MACO1: variants seen among roughly 807,000 people sequenced by gnomAD.
MACO1 encodes macoilin.
Under a neutral mutation model 78.7 loss-of-function variants are expected in MACO1, and 14 were observed. The ratio of observed to expected loss-of-function variants is 0.18; its 90% CI spans 0.12 to 0.28. The LOEUF (loss-of-function observed/expected upper bound fraction) is 0.28, where lower values mean the gene tolerates loss of function less well. MACO1 is among the 10% of genes least tolerant of loss of function. MACO1 has a pLI of 1.00. For missense variants in MACO1, 501 were observed against 799.0 expected, an observed-to-expected ratio of 0.63 and a Z score of 4.50; for synonymous variants, 288 against 291.6, an observed-to-expected ratio of 0.99 and a Z score of 0.12.
intron 10 of MACO1, among the ~76,000 whole-genome samples, chr1:25,493,469 C>T (rs1212871196): frequency 1.3e-5 from 2 of 151,614 alleles, no homozygotes; most frequent in Admixed American, 6.6e-5. Context: ...AGGCTGACCT[C>T]GAACTCCTGG....
intron 8 of MACO1, 52 bp from the exon 9 acceptor site, chr1:25,489,121 C>T: frequency 6.3e-7 from 1 of 1,578,304 alleles, no homozygotes; most frequent in African/African-American, 1.4e-5. Context: ...GGGCCCAGCC[C>T]CAACCTATAG....
At position 25,462,803 on chromosome 1, in the gene MACO1, G is replaced by A. The variant is rs928789264; in HGVS notation, c.1154+3911G>A. 7.2e-5 allele frequency among the ~76,000 whole-genome samples: 4 copies of A among 55,666 alleles called. No individual in the cohort carries two copies. The East Asian group carries it at 9.0e-3, about 125-fold the overall frequency. The allele number at this position is 55,666 out of a possible 152,430, so 36.5% of individuals were successfully genotyped here. A position where few individuals can be genotyped will look rare whatever the true frequency, so the allele number is the denominator to read the frequency against. ...TTCCCTGTAAAAGGGCGGGCAGTCT[G>A]GCAGGTCTTTCTCAAGCTCTCTCAG... On this transcript the variant is annotated intron_variant, in intron 6 of 10. Coordinates refer to ENST00000374343, the MANE Select transcript of MACO1 (RefSeq NM_018202.6).
intron 10 of MACO1, 123 bp from the exon 11 acceptor site, chr1:25,498,141 C>A: frequency 1.1e-6 from 1 of 945,882 alleles, no homozygotes; most frequent in Non-Finnish European, 1.6e-6. Context: ...TTTGCCTGCT[C>A]TTATAAATCA....
rs906921561 is a variant in MACO1, at chr1:25,462,254, C to T, written c.1154+3362C>T. Among the ~76,000 whole-genome samples, 49 of 152,228 alleles carry T rather than the reference C, an allele frequency of 3.2e-4. No individual in the cohort carries two copies. In the Middle Eastern group the frequency reaches 0.017, roughly 53 times the overall value. On this transcript the variant is annotated intron_variant, in intron 6 of 10. Coordinates refer to ENST00000374343, the MANE Select transcript of MACO1 (RefSeq NM_018202.6). ...TGCACAGTTTCAGGCCAACAAACTT[C>T]CCCAGGGATGCTTTAGCGATAAAAC...
chr1:25,484,087 T>G, intron 6 of MACO1, 29 bp from the exon 7 acceptor site: 1 of 1,588,244 alleles, frequency 6.3e-7, no homozygotes, highest in Non-Finnish European at 8.6e-7. Context: ...CTCACCTAGA[T>G]GAAAATGCTG....
intron 6 of MACO1, among the ~76,000 whole-genome samples, chr1:25,480,252 T>C (rs1396260556): frequency 6.6e-6 from 1 of 152,244 alleles, no homozygotes; most frequent in African/African-American, 2.4e-5. Flanking sequence ...TATGTTATCC[T>C]GCATGCCATT....
intron 1 of MACO1, among the ~76,000 whole-genome samples, chr1:25,437,990 A>AC (rs1470437343): frequency 6.6e-6 from 1 of 152,200 alleles, no homozygotes; most frequent in East Asian, 1.9e-4. Context: ...GGCGTGAGCC[A>AC]CCATAATCAG....
intron 1 of MACO1, among the ~76,000 whole-genome samples, chr1:25,431,740 A>G (rs2042874052): frequency 6.6e-6 from 1 of 152,022 alleles, no homozygotes; most frequent in Non-Finnish European, 1.5e-5. Flanking sequence ...TGCTTCCCAT[A>G]TGGGATCTCA....
At chr1:25,461,880 C>G (rs2043175437) in intron 6 of MACO1, among the ~76,000 whole-genome samples, 1 of 152,076 alleles carries the variant, frequency 6.6e-6, no homozygotes, top group African/African-American at 2.4e-5. Flanking sequence ...TATTTTCATA[C>G]ATTTTCACAT....
intron 8 of MACO1, among the ~76,000 whole-genome samples, chr1:25,487,978 T>C (rs756222222): frequency 2.6e-5 from 4 of 152,204 alleles, no homozygotes; most frequent in Non-Finnish European, 4.4e-5. Context: ...TAGGTTGTTA[T>C]AAGGATTGAA....
intron 9 of MACO1, among the ~76,000 whole-genome samples, chr1:25,490,781 CTG>C (rs2043478881): frequency 6.6e-6 from 1 of 151,896 alleles, no homozygotes; most frequent in African/African-American, 2.4e-5. Flanking sequence ...ATGTACAAAA[CTG>C]TACATTTAAT....
At chr1:25,496,712 A>C (rs1407079050) in intron 10 of MACO1, among the ~76,000 whole-genome samples, 1 of 151,326 alleles carries the variant, frequency 6.6e-6, no homozygotes, top group African/African-American at 2.5e-5. Context: ...AAAAAAAAAA[A>C]GGGTAGACAC....
chr1:25,465,981 G>A (rs959534220), intron 6 of MACO1, among the ~76,000 whole-genome samples: 1 of 152,154 alleles, frequency 6.6e-6, no homozygotes, highest in South Asian at 2.1e-4. Context: ...CATTGTGTAT[G>A]TATACCACAT....
At chr1:25,470,666 TTGTC>T (rs1271460117) in intron 6 of MACO1, among the ~76,000 whole-genome samples, 6 of 152,266 alleles carry the variant, frequency 3.9e-5, no homozygotes, top group African/African-American at 1.2e-4. Context: ...GAACCCAAGA[TTGTC>T]TGCTAAAGTG....
At chr1:25,435,194 G>A (rs886378308) in intron 1 of MACO1, among the ~76,000 whole-genome samples, 4 of 152,150 alleles carry the variant, frequency 2.6e-5, no homozygotes, top group African/African-American at 4.8e-5. Context: ...GCTGAAGGAA[G>A]TACCCTTTCA....
chr1:25,473,175 A>AT (rs2043289367), intron 6 of MACO1, among the ~76,000 whole-genome samples: 1 of 132,536 alleles, frequency 7.5e-6, no homozygotes, highest in Non-Finnish European at 1.7e-5. Context: ...AATATTTTCT[A>AT]TACCTATAGT....
chr1:25,481,098 A>G (rs2043373433), intron 6 of MACO1, among the ~76,000 whole-genome samples: 1 of 151,598 alleles, frequency 6.6e-6, no homozygotes, highest in Non-Finnish European at 1.5e-5. Context: ...CTCAGAATAA[A>G]TATTGTTATT....
At chr1:25,436,352 G>A (rs546315904) in intron 1 of MACO1, among the ~76,000 whole-genome samples, 2 of 152,010 alleles carry the variant, frequency 1.3e-5, no homozygotes, top group African/African-American at 4.8e-5. Context: ...CTACCATCTT[G>A]TGGAGTTTGG....
chr1:25,436,100 C>G (rs576243843), intron 1 of MACO1, among the ~76,000 whole-genome samples: 1 of 152,260 alleles, frequency 6.6e-6, no homozygotes, highest in Non-Finnish European at 1.5e-5. Flanking sequence ...TTCCTCATGG[C>G]CTCTCTTGAA....
Sources: allele counts gnomAD v4.1 joint callset (sites outside exome capture counted in the v4.1 genomes callset), GRCh38; gene constraint gnomAD v4.1.1; transcripts MANE v1.5; gene names NCBI Gene and HGNC (gene_info 2026-07-23, HGNC 2026-07-21).